Variants in LARGE1 observed in about 807,000 individuals in gnomAD.
LARGE1 encodes the protein LARGE xylosyl- and glucuronyltransferase 1, also known as xylosyl- and glucuronyltransferase LARGE1.
LARGE1 carries 43 observed loss-of-function variants against 87.6 expected under a neutral mutation model. That is an observed-to-expected ratio of 0.49 (90% CI 0.38 to 0.63). The LOEUF is 0.63. LARGE1 is among the 30% of genes least tolerant of loss of function. LARGE1 has a pLI of 0.00. For missense variants in LARGE1, 802 were observed against 1,000.2 expected (o/e 0.80, Z 2.67); for synonymous variants, 434 against 394.6 (o/e 1.10, Z -1.18).
chr22:33,901,985 A>G (rs1360028713), intron 1 of LARGE1, among the ~76,000 whole-genome samples: 1 of 152,220 alleles, frequency 6.6e-6, no homozygotes, highest in Non-Finnish European at 1.5e-5. Context: ...AGACCAGACA[A>G]TGAACACACA....
intron 11 of LARGE1, among the ~76,000 whole-genome samples, chr22:33,189,985 G>A (rs937367075): frequency 6.6e-6 from 1 of 152,142 alleles, no homozygotes; most frequent in African/African-American, 2.4e-5. Context: ...GAATAGCCAG[G>A]CTAGTTCATC....
intron 7 of LARGE1, among the ~76,000 whole-genome samples, chr22:33,401,855 A>T (rs2065936107): frequency 6.6e-6 from 1 of 152,198 alleles, no homozygotes; most frequent in African/African-American, 2.4e-5. Context: ...GTATTTTGTT[A>T]CGGCAGCCCT....
chr22:33,856,439 T>C (rs149651569), intron 1 of LARGE1, among the ~76,000 whole-genome samples: 4 of 152,234 alleles, frequency 2.6e-5, no homozygotes, highest in Admixed American at 6.5e-5. Context: ...GATAAATAGA[T>C]CTACTGATCA....
intron 12 of LARGE1, among the ~76,000 whole-genome samples, chr22:33,295,822 C>T (rs529335694): frequency 9.9e-5 from 15 of 152,260 alleles, no homozygotes; most frequent in African/African-American, 3.1e-4. Flanking sequence ...CAGACATGGG[C>T]ATGTCATCTG....
At position 33,178,728 on chromosome 22, in the gene LARGE1, T is replaced by A. The variant is rs1393056571; in HGVS notation, c.1731-11896A>T. ...TAATAGAGTTGAATAATTTCTAGTA[T>A]ACCAATGTGAATTTAGTACTAATGC... On this transcript the variant is annotated intron_variant, in intron 11 of 11. Coordinates refer to the LARGE1 transcript ENST00000608642. 3.9e-5 allele frequency among the ~76,000 whole-genome samples: 6 copies of A among 152,170 alleles called. No homozygotes were observed. In the East Asian group the frequency reaches 1.2e-3, roughly 29 times the overall value.
At position 33,761,443 on chromosome 22, in the gene LARGE1, A is replaced by G. The variant is rs1320102818; in HGVS notation, c.34T>C (p.Leu12=). 29 of 1,614,072 alleles carry G rather than the reference A, an allele frequency of 1.8e-5. No individual in the cohort carries two copies. The highest frequency in any genetic ancestry group is 2.3e-5 in the Non-Finnish European group (27 of 1,180,020). ...CAGAGAAGACTCAACGAGGCAGCCA[A>G]GAATTTCCGTCTCCCCCTGCAGATT... ...LGICRGRRKF[L]AASLSLLCIP... is the part of the protein sequence containing the mutation. The change falls in exon 2 of 15, where the codon TTG becomes CTG. Residue 12 remains leucine, a synonymous_variant. Transcript: ENST00000397394.
chr22:33,433,974 G>A (rs1368013475), intron 6 of LARGE1, among the ~76,000 whole-genome samples: 1 of 152,170 alleles, frequency 6.6e-6, no homozygotes, highest in Non-Finnish European at 1.5e-5. Context: ...AGAGGCATGG[G>A]AAAAACACTA....
chr22:33,296,455 T>C (rs973938855), intron 12 of LARGE1, among the ~76,000 whole-genome samples: 7 of 152,114 alleles, frequency 4.6e-5, no homozygotes, highest in Admixed American at 2.0e-4. Context: ...GTCATGGCCA[T>C]CACGATGAAG....
intron 3 of LARGE1, among the ~76,000 whole-genome samples, chr22:33,647,061 C>T (rs2149166850): frequency 1.3e-5 from 2 of 152,352 alleles, no homozygotes; most frequent in Non-Finnish European, 2.9e-5. Flanking sequence ...TCTCTCCTAT[C>T]TTAGAATCAT....
chr22:33,623,185 A>G (rs1368582140), intron 4 of LARGE1, among the ~76,000 whole-genome samples: 2 of 151,332 alleles, frequency 1.3e-5, no homozygotes, highest in Admixed American at 6.6e-5. Flanking sequence ...ACGTCATGGC[A>G]ACAAGTAGTA....
chr22:33,455,019 C>A (rs1373253819), intron 6 of LARGE1, among the ~76,000 whole-genome samples: 1 of 152,140 alleles, frequency 6.6e-6, no homozygotes, highest in Non-Finnish European at 1.5e-5. Flanking sequence ...TAAAAGCAAT[C>A]CACAGATAAG....
At chr22:33,220,773 C>G (rs1026188764) in intron 11 of LARGE1, among the ~76,000 whole-genome samples, 1 of 152,228 alleles carries the variant, frequency 6.6e-6, no homozygotes, top group Non-Finnish European at 1.5e-5. Context: ...GTACCTTTAT[C>G]AGCCCATGCT....
chr22:33,856,071 T>C (rs942077997), intron 1 of LARGE1, among the ~76,000 whole-genome samples: 5 of 152,202 alleles, frequency 3.3e-5, no homozygotes, highest in Non-Finnish European at 7.3e-5. Flanking sequence ...GCGATGACTA[T>C]GTACAACAAA....
intron 3 of LARGE1, among the ~76,000 whole-genome samples, chr22:33,636,901 G>T (rs2080285002): frequency 6.6e-6 from 1 of 152,144 alleles, no homozygotes; most frequent in Non-Finnish European, 1.5e-5. Flanking sequence ...CTGGTACCTT[G>T]TAAGTAATGG....
chr22:33,152,954 G>C, the LARGE1 span, among the ~76,000 whole-genome samples: 1 of 152,086 alleles, frequency 6.6e-6, no homozygotes, highest in Admixed American at 6.5e-5. Context: ...TGTTTACTTT[G>C]CTATATTCTA....
chr22:33,592,809 T>C (rs2078877871), intron 5 of LARGE1, among the ~76,000 whole-genome samples: 2 of 151,706 alleles, frequency 1.3e-5, no homozygotes, highest in Admixed American at 6.6e-5. Context: ...TTGTGTATAT[T>C]TTCTTTTTTT....
At chr22:33,755,881 C>T (rs945795707) in intron 2 of LARGE1, among the ~76,000 whole-genome samples, 1 of 152,174 alleles carries the variant, frequency 6.6e-6, no homozygotes, top group African/African-American at 2.4e-5. Flanking sequence ...GTTAGAAAGA[C>T]ATCAAACAAG....
chr22:33,768,436 TCACA>T lies in LARGE1; in HGVS notation c.-82-6882_-82-6879del, dbSNP rs71969164. Among the ~76,000 whole-genome samples the T allele has an allele frequency of 2.4e-3, 351 of 147,072 alleles. 1 individual carries two copies. Among genetic ancestry groups the T allele is most frequent in the South Asian group, 3.7e-3 (17 of 4,604 alleles). On this transcript the variant is annotated intron_variant, in intron 1 of 14. Transcript: ENST00000397394. The stretch of plus-strand genomic sequence containing the variant: ...CCAAGCCACAATCCAACGCGCGCGC[TCACA>T]CACACACACACACACACACACACAC...
chr22:33,513,812 TACACACACAC>T (rs56262022), intron 6 of LARGE1, among the ~76,000 whole-genome samples: 2 of 143,180 alleles, frequency 1.4e-5, no homozygotes, highest in Non-Finnish European at 1.5e-5. Flanking sequence ...AGAGCTGATG[TACACACACAC>T]ACACACACAC....
Sources: gnomAD v4.1 joint callset for allele counts (sites outside exome capture counted in the v4.1 genomes callset) on GRCh38, gnomAD v4.1.1 for gene constraint, MANE v1.5 for transcripts, NCBI Gene and HGNC (gene_info 2026-07-23, HGNC 2026-07-21) for gene names.